SLC6A15: variants seen among roughly 807,000 people sequenced by gnomAD.
SLC6A15 encodes solute carrier family 6 member 15, also known as sodium-dependent neutral amino acid transporter B(0)AT2.
Under a neutral mutation model 68.5 loss-of-function variants are expected in SLC6A15, and 33 were observed. That is an observed-to-expected ratio of 0.48 (90% confidence interval 0.37 to 0.64). SLC6A15 has a LOEUF of 0.64. Among genes scored for constraint, SLC6A15 ranks in the 30% least tolerant of loss-of-function variants. SLC6A15 has a pLI of 0.00. For synonymous variants in SLC6A15, 347 were observed against 301.0 expected (o/e 1.15, Z -1.58); for missense variants, 747 against 874.3 (o/e 0.85, Z 1.84).
At chr12:84,876,666 G>T in intron 5 of SLC6A15, 59 bp from the exon 6 acceptor site, 1 of 738,166 alleles carries the variant, frequency 1.4e-6, no homozygotes, top group Non-Finnish European at 2.2e-6. Context: ...TTATAGATAA[G>T]ATTTTATATG....
At chr12:84,875,632 C>A (rs1871482532) in intron 6 of SLC6A15, among the ~76,000 whole-genome samples, 1 of 121,322 alleles carries the variant, frequency 8.2e-6, no homozygotes, top group Non-Finnish European at 1.7e-5. Context: ...TATTAGCAAA[C>A]TAATAGTGGG....
chr12:84,861,807 T>C lies in SLC6A15; in HGVS notation c.2018A>G (p.Asp673Gly), dbSNP rs1194778156. The C allele has an allele frequency of 4.3e-6, 7 of 1,614,014 alleles. No homozygotes were observed. The highest frequency in any genetic ancestry group is 5.1e-6 in the Non-Finnish European group (6 of 1,179,950). The change falls in exon 12 of 12, where the codon GAT becomes GGT. Residue 673 changes from aspartate (D) to glycine (G), a missense_variant. Coordinates refer to ENST00000266682, the MANE Select transcript of SLC6A15 (RefSeq NM_182767.6). ...LKEPVNLEGD[D>G]TSLIHGKIPS... Reference sequence around the variant, plus strand: ...TATTTTTCCGTGAATGAGGCTTGTATCATCGCCCTCTAAGTTCACAGGCTC... The same window carrying C: ...TATTTTTCCGTGAATGAGGCTTGTACCATCGCCCTCTAAGTTCACAGGCTC...
At chr12:84,873,461 T>A (rs577634924) in intron 6 of SLC6A15, 133 bp from the exon 7 acceptor site, 46 of 1,060,218 alleles carry the variant, frequency 4.3e-5, no homozygotes, top group South Asian at 2.0e-4. Context: ...CGGGAAATAA[T>A]ATGTTCTTAA....
At chr12:84,865,428 G>T (rs1871025039) in intron 10 of SLC6A15, among the ~76,000 whole-genome samples, 1 of 152,096 alleles carries the variant, frequency 6.6e-6, no homozygotes, top group East Asian at 1.9e-4. Flanking sequence ...GTGGAATGTT[G>T]GTTACAATTG....
chr12:84,874,891 C>T (rs1871448390), intron 6 of SLC6A15, among the ~76,000 whole-genome samples: 1 of 152,150 alleles, frequency 6.6e-6, no homozygotes. Context: ...ATTACAATTA[C>T]TTCTCATATT....
chr12:84,891,965 T>G lies in SLC6A15; in HGVS notation c.156A>C (p.Glu52Asp). The change falls in exon 2 of 12, where the codon GAA (glutamate) becomes GAC (aspartate). Residue 52 changes from glutamate (E) to aspartate (D), a missense_variant. Physicochemically the swap from Glu to Asp is conservative, Grantham distance 45 (BLOSUM62 2). Coordinates refer to ENST00000266682, the MANE Select transcript of SLC6A15 (RefSeq NM_182767.6). ...DGQEEKDTDVEEGSEVEDERP... is the reference protein window; with the variant it reads ...DGQEEKDTDVDEGSEVEDERP... Reference sequence around the variant, plus strand: ...TTTCATCTTCGACTTCAGATCCTTCTTCAACATCTGTATCTTTCTCTTCCT... The same window carrying G: ...TTTCATCTTCGACTTCAGATCCTTCGTCAACATCTGTATCTTTCTCTTCCT... 1 of 1,614,076 alleles carries G rather than the reference T, an allele frequency of 6.2e-7. No individual in the cohort carries two copies. The highest frequency in any genetic ancestry group is 8.5e-7 in the Non-Finnish European group (1 of 1,180,006).
chr12:84,892,628 C>T (rs979684937), intron 1 of SLC6A15, among the ~76,000 whole-genome samples: 5 of 152,070 alleles, frequency 3.3e-5, no homozygotes, highest in Non-Finnish European at 7.4e-5. Context: ...TCCTCCCTGA[C>T]TAAAGCAGAT....
rs758874317 is a variant in SLC6A15 at position 84,891,964 on chromosome 12, C to T, written c.157G>A (p.Glu53Lys). The T allele has an allele frequency of 6.2e-7, 1 of 1,614,044 alleles. No homozygotes were observed. Among genetic ancestry groups the T allele is most frequent in the Admixed American group, 1.7e-5 (1 of 60,008 alleles). ...GQEEKDTDVE[E>K]GSEVEDERPA... ...CTTTCATCTTCGACTTCAGATCCTT[C>T]TTCAACATCTGTATCTTTCTCTTCC... is the stretch of plus-strand genomic sequence containing the variant. Residue 53 changes from glutamate (E) to lysine (K), a missense_variant, in exon 2 of 12, where the codon GAA becomes AAA. Coordinates refer to ENST00000266682, the MANE Select transcript of SLC6A15 (RefSeq NM_182767.6).
chr12:84,864,299 T>C (rs1870977863), intron 10 of SLC6A15, among the ~76,000 whole-genome samples: 1 of 151,152 alleles, frequency 6.6e-6, no homozygotes, highest in South Asian at 2.1e-4. Flanking sequence ...TTGTTATGTC[T>C]CTTGAGTCCA....
intron 6 of SLC6A15, among the ~76,000 whole-genome samples, chr12:84,874,126 CA>C (rs1478745812): frequency 6.6e-6 from 1 of 152,062 alleles, no homozygotes; most frequent in African/African-American, 2.4e-5. Context: ...CTCTTTTTGC[CA>C]TTACAATCAA....
At chr12:84,870,402 T>C in intron 9 of SLC6A15, 76 bp downstream of exon 9, 1 of 1,060,470 alleles carries the variant, frequency 9.4e-7, no homozygotes, top group Non-Finnish European at 1.3e-6. Flanking sequence ...GACTTTCCAC[T>C]TTTCATCTCT....
rs188819839 is a variant in SLC6A15 at position 84,883,048 on chromosome 12, G to A, written c.756+811C>T. On this transcript the variant is annotated intron_variant, in intron 5 of 11. Transcript: ENST00000266682. ...CAGTTATACTTTGAAAAGGAAAATA[G>A]CACAGCTGGACAGTTAAACGGCAGA... The A allele has an allele frequency of 2.4e-4, 236 of 984,308 alleles. 2 individuals carry two copies. The African/African-American group carries it at 3.9e-3, about 16-fold the overall frequency. 61.0% of individuals were successfully genotyped at this position (984,308 alleles called of 1,614,324 possible). A position where few individuals can be genotyped will look rare whatever the true frequency, so the allele number is the denominator to read the frequency against.
chr12:84,881,401 C>G (rs1457187916), intron 5 of SLC6A15: 2 of 962,854 alleles, frequency 2.1e-6, no homozygotes, highest in Non-Finnish European at 2.5e-6. Context: ...CAAAGCAGCC[C>G]TATTCTTCTT....
intron 1 of SLC6A15, among the ~76,000 whole-genome samples, chr12:84,900,185 T>C (rs182539903): frequency 3.0e-4 from 45 of 152,196 alleles, no homozygotes; most frequent in African/African-American, 9.1e-4. Context: ...TTTCAGTGTA[T>C]TGGTCTTGCA....
In SLC6A15 at chr12:84,870,514, C is replaced by T; in HGVS notation, c.1459G>A (p.Val487Met). ...TCTTTCCTCACTTTGAAAGTGTCCA[C>T]AATAGGCGTGACAATCCCTTCAATG... ...GTIEGIVTPI[V>M]DTFKVRKEIL... is the part of the protein sequence containing the mutation. The change falls in exon 9 of 12, where the codon GTG (valine) becomes ATG (methionine). Residue 487 changes from valine to methionine, a missense_variant. Val to Met is a conservative substitution (Grantham distance 21, BLOSUM62 1). Coordinates refer to ENST00000266682, the MANE Select transcript of SLC6A15 (RefSeq NM_182767.6). The T allele has an allele frequency of 6.3e-7, 1 of 1,575,530 alleles. No individual in the cohort carries two copies. The highest frequency in any genetic ancestry group is 8.6e-7 in the Non-Finnish European group (1 of 1,159,438).
At chr12:84,867,593 G>A (rs2120549197) in intron 9 of SLC6A15, 1 of 152,552 alleles carries the variant, frequency 6.6e-6, no homozygotes, top group South Asian at 2.1e-4. Context: ...CTACAGTGTT[G>A]AAATATAGAT....
intron 1 of SLC6A15, among the ~76,000 whole-genome samples, chr12:84,909,925 C>T (rs1344271492): frequency 1.3e-5 from 2 of 152,122 alleles, no homozygotes; most frequent in Non-Finnish European, 2.9e-5. Context: ...ACAATTTCAA[C>T]TATGATCACT....
chr12:84,885,847 A>G, intron 3 of SLC6A15, 64 bp downstream of exon 3: 10 of 1,446,164 alleles, frequency 6.9e-6, no homozygotes, highest in South Asian at 4.2e-5. Context: ...TTTCATTTAA[A>G]TGTTAATTAT....
At chr12:84,887,548 T>C (rs1231112280) in intron 2 of SLC6A15, among the ~76,000 whole-genome samples, 1 of 152,226 alleles carries the variant, frequency 6.6e-6, no homozygotes, top group Non-Finnish European at 1.5e-5. Context: ...ATGTAAAAAT[T>C]GGATGCATGA....
Sources: allele counts gnomAD v4.1 joint callset (sites outside exome capture counted in the v4.1 genomes callset), GRCh38; gene constraint gnomAD v4.1.1; transcripts MANE v1.5; gene names NCBI Gene and HGNC (gene_info 2026-07-23, HGNC 2026-07-21).